The following CNOT10 variants were observed in gnomAD, a reference collection of about 807,000 sequenced individuals.
The protein encoded by CNOT10 is CCR4-NOT transcription complex, subunit 10.
In CNOT10, 30 loss-of-function variants were observed where a neutral mutation model predicts 94.6. The ratio of observed to expected loss-of-function variants is 0.32; its 90% CI spans 0.24 to 0.43. The LOEUF (loss-of-function observed/expected upper bound fraction) is 0.43. Ranked by LOEUF, CNOT10 falls within the 20% of genes least tolerant of loss-of-function variation. The pLI is 1.00. For missense variants in CNOT10, 759 were observed against 877.2 expected, an observed-to-expected ratio of 0.87 and a Z score of 1.70; for synonymous variants, 289 against 301.6, an observed-to-expected ratio of 0.96 and a Z score of 0.43.
At chr3:32,688,088 T>C (rs1229434659) in intron 1 of CNOT10, among the ~76,000 whole-genome samples, 1 of 152,126 alleles carries the variant, frequency 6.6e-6, no homozygotes, top group Non-Finnish European at 1.5e-5. Flanking sequence ...TGGATTTAAA[T>C]GAAGTAAGAC....
At chr3:32,692,211 AAGTT>A (rs1484485841) in intron 1 of CNOT10, among the ~76,000 whole-genome samples, 1 of 152,064 alleles carries the variant, frequency 6.6e-6, no homozygotes, top group Non-Finnish European at 1.5e-5. Flanking sequence ...AAAATACAGA[AAGTT>A]AGCTGGGTGT....
At chr3:32,707,489 G>A (rs1158306404) in intron 3 of CNOT10, among the ~76,000 whole-genome samples, 2 of 152,162 alleles carry the variant, frequency 1.3e-5, no homozygotes, top group Non-Finnish European at 2.9e-5. Flanking sequence ...GTTTCCTTAT[G>A]TATAAAGTGG....
At chr3:32,724,622 G>A (rs571997834) in intron 8 of CNOT10, among the ~76,000 whole-genome samples, 9 of 151,992 alleles carry the variant, frequency 5.9e-5, no homozygotes, top group African/African-American at 2.2e-4. Context: ...CCATGTTAGC[G>A]AGGATGGTCT....
chr3:32,763,334 G>A (rs1420993909), intron 15 of CNOT10, among the ~76,000 whole-genome samples: 1 of 152,050 alleles, frequency 6.6e-6, no homozygotes, highest in Non-Finnish European at 1.5e-5. Flanking sequence ...AGAAAAAAAA[G>A]TTTGTTTTAA....
At chr3:32,728,519 G>A (rs1476275993) in intron 10 of CNOT10, among the ~76,000 whole-genome samples, 1 of 151,836 alleles carries the variant, frequency 6.6e-6, no homozygotes, top group South Asian at 2.1e-4. Context: ...AGGCTGAAGC[G>A]GGAAGATCGT....
In CNOT10 at chr3:32,747,095, C is replaced by T. The variant is rs182116458; in HGVS notation, c.1595+9605C>T. 2.5e-3 allele frequency among the ~76,000 whole-genome samples: 387 copies of T among 152,038 alleles called. 5 individuals are homozygous for T. Among genetic ancestry groups the T allele is most frequent in the Middle Eastern group, 3.4e-3 (1 of 294 alleles). On this transcript the variant is annotated intron_variant, in intron 13 of 18. Transcript: ENST00000328834. Reference sequence around the variant, plus strand: ...TTGTGCCACTGCACTCTAGCCTGGGCGACAGAGCAAGACTCTGTCTCAAAA... The same window carrying T: ...TTGTGCCACTGCACTCTAGCCTGGGTGACAGAGCAAGACTCTGTCTCAAAA...
At chr3:32,749,193 G>T (rs984317674) in intron 13 of CNOT10, among the ~76,000 whole-genome samples, 11 of 150,044 alleles carry the variant, frequency 7.3e-5, no homozygotes, top group Non-Finnish European at 3.0e-5. Flanking sequence ...CATTCTGAGG[G>T]TTGTCTTTTC....
chr3:32,703,038 A>G (rs1277480801), intron 1 of CNOT10, among the ~76,000 whole-genome samples: 2 of 150,072 alleles, frequency 1.3e-5, no homozygotes, highest in African/African-American at 2.5e-5. Flanking sequence ...CAGTCTCCCA[A>G]GTAGCTGGGA....
intron 9 of CNOT10, among the ~76,000 whole-genome samples, chr3:32,727,216 A>T (rs1389812386): frequency 6.6e-6 from 1 of 152,126 alleles, no homozygotes; most frequent in Non-Finnish European, 1.5e-5. Context: ...TCATGCCTGT[A>T]ATCCCAACAT....
At chr3:32,743,929 G>C (rs1394196211) in intron 13 of CNOT10, among the ~76,000 whole-genome samples, 5 of 152,138 alleles carry the variant, frequency 3.3e-5, no homozygotes, top group Admixed American at 2.0e-4. Flanking sequence ...GGCAAGGGTG[G>C]ATTCTGTAGT....
intron 1 of CNOT10, among the ~76,000 whole-genome samples, chr3:32,687,465 T>G (rs370363756): frequency 3.8e-4 from 47 of 123,674 alleles, no homozygotes; most frequent in Non-Finnish European, 2.8e-4. Flanking sequence ...TTTTTTTTTT[T>G]TTTTGAGACG....
At chr3:32,749,747 G>A (rs1460667421) in intron 13 of CNOT10, among the ~76,000 whole-genome samples, 1 of 152,078 alleles carries the variant, frequency 6.6e-6, no homozygotes, top group Non-Finnish European at 1.5e-5. Context: ...GGAAAGATAA[G>A]GCTCAACTTC....
intron 13 of CNOT10, among the ~76,000 whole-genome samples, chr3:32,745,889 G>A (rs1306192129): frequency 6.6e-6 from 1 of 152,184 alleles, no homozygotes; most frequent in Non-Finnish European, 1.5e-5. Context: ...TGCTCGGGAG[G>A]CTGAGGTGGG....
At chr3:32,723,694 G>A (rs1350997421) in intron 8 of CNOT10, among the ~76,000 whole-genome samples, 1 of 152,048 alleles carries the variant, frequency 6.6e-6, no homozygotes, top group African/African-American at 2.4e-5. Context: ...GACAAACAGA[G>A]GTGGGCAGGA....
chr3:32,762,167 A>G (rs999139858), intron 14 of CNOT10, among the ~76,000 whole-genome samples: 12 of 135,170 alleles, frequency 8.9e-5, no homozygotes, highest in Admixed American at 2.2e-4. Context: ...GTCCCCAGTT[A>G]AAAAAAAAAA....
chr3:32,724,781 A>T (rs1246534023), intron 8 of CNOT10, among the ~76,000 whole-genome samples: 5 of 137,516 alleles, frequency 3.6e-5, no homozygotes, highest in Admixed American at 3.5e-4. Context: ...CTAGTCTCGA[A>T]CTCCTGACCT....
chr3:32,742,406 C>G, intron 13 of CNOT10, among the ~76,000 whole-genome samples: 1 of 150,484 alleles, frequency 6.6e-6, no homozygotes. Context: ...TGTTCTGAGA[C>G]AGTCTTGCTG....
intron 13 of CNOT10, among the ~76,000 whole-genome samples, chr3:32,758,415 CAG>C (rs1700305544): frequency 6.6e-6 from 1 of 152,154 alleles, no homozygotes; most frequent in African/African-American, 2.4e-5. Flanking sequence ...GAAGAGGAAA[CAG>C]AATACTTTTG....
intron 1 of CNOT10, among the ~76,000 whole-genome samples, chr3:32,701,376 TTTAA>T (rs1697338167): frequency 6.6e-6 from 1 of 152,244 alleles, no homozygotes; most frequent in African/African-American, 2.4e-5. Context: ...TCTAATTCTA[TTTAA>T]TTAATTCTAA....
Sources: gnomAD v4.1 joint callset for allele counts (sites outside exome capture counted in the v4.1 genomes callset) on GRCh38, gnomAD v4.1.1 for gene constraint, MANE v1.5 for transcripts, NCBI Gene and HGNC (gene_info 2026-07-23, HGNC 2026-07-21) for gene names.